The following CSMD2 variants were observed in gnomAD, a reference collection of about 807,000 sequenced individuals.
CSMD2 encodes CUB and Sushi multiple domains 2, also known as CUB and sushi domain-containing protein 2.
CSMD2 carries 130 observed loss-of-function variants against 398.5 expected under a neutral mutation model. The observed-to-expected ratio is 0.33, with a 90% confidence interval of 0.28 to 0.38. The LOEUF is 0.38. Among genes scored for constraint, CSMD2 ranks in the 10% least tolerant of loss-of-function variants. CSMD2 has a pLI of 1.00. For missense variants in CSMD2, 3,829 were observed against 4,764.9 expected, an observed-to-expected ratio of 0.80 and a Z score of 5.78; for synonymous variants, 1,828 against 1,908.5, an observed-to-expected ratio of 0.96 and a Z score of 1.10.
At position 33,809,707 on chromosome 1, in the gene CSMD2, A is replaced by C. The variant is rs529135989; in HGVS notation, c.1446+1036T>G. ...TCTGAGGCAAGAAAATAAAAAAGAA[A>C]AGGTATAAGAAATGGAAAGTAGAAA... On this transcript the variant is annotated intron_variant, in intron 10 of 70. Transcript: ENST00000373381. Among the ~76,000 whole-genome samples the C allele has an allele frequency of 2.0e-5, 3 of 149,846 alleles. No individual in the cohort carries two copies. In the South Asian group the frequency reaches 6.4e-4, roughly 32 times the overall value.
At chr1:33,753,681 T>C (rs904134072) in intron 13 of CSMD2, among the ~76,000 whole-genome samples, 2 of 152,268 alleles carry the variant, frequency 1.3e-5, no homozygotes, top group South Asian at 4.1e-4. Context: ...GGTGTTCAAG[T>C]CCAACTCATG....
chr1:33,742,227 G>C (rs1647091703), intron 14 of CSMD2, among the ~76,000 whole-genome samples: 1 of 152,216 alleles, frequency 6.6e-6, no homozygotes, highest in African/African-American at 2.4e-5. Context: ...TTACCTGGCT[G>C]GTCTCTTGGA....
chr1:34,082,638 GA>G (rs1657381997), intron 2 of CSMD2, among the ~76,000 whole-genome samples: 1 of 152,270 alleles, frequency 6.6e-6, no homozygotes, highest in South Asian at 2.1e-4. Context: ...AGAAAAGGGG[GA>G]AATGTGGGGA....
chr1:33,687,892 A>C (rs535391042), intron 25 of CSMD2, among the ~76,000 whole-genome samples: 2 of 152,216 alleles, frequency 1.3e-5, no homozygotes, highest in Non-Finnish European at 2.9e-5. Flanking sequence ...CAGAAAACAC[A>C]CAAAGAACCA....
Position 33,541,230 on chromosome 1 carries a change from T to C in CSMD2, c.9357A>G (p.Thr3119=), listed in dbSNP as rs747018302. The C allele has an allele frequency of 1.2e-6, 2 of 1,613,902 alleles. No individual in the cohort carries two copies. Among genetic ancestry groups the C allele is most frequent in the African/African-American group, 1.3e-5 (1 of 74,894 alleles). ...GNDFRYNKTV[T]YQCVPGYMME... ...TCATATAGCCAGGGACACACTGATA[T>C]GTCACAGTTTTGTTGTACCTGAAGT... Residue 3119 remains threonine (T), a synonymous_variant, in exon 59 of 71, where the codon ACA becomes ACG. Transcript: ENST00000373381.
At chr1:33,856,889 T>C (rs921934354) in intron 5 of CSMD2, among the ~76,000 whole-genome samples, 1 of 151,914 alleles carries the variant, frequency 6.6e-6, no homozygotes, top group Non-Finnish European at 1.5e-5. Context: ...CCCCAGTTTA[T>C]ATCTCATAGT....
At chr1:33,669,386 T>C (rs1644417376) in intron 25 of CSMD2, among the ~76,000 whole-genome samples, 1 of 152,098 alleles carries the variant, frequency 6.6e-6, no homozygotes, top group African/African-American at 2.4e-5. Flanking sequence ...TCCCATCCTT[T>C]CAATCCACCT....
intron 1 of CSMD2, among the ~76,000 whole-genome samples, chr1:34,125,481 G>A (rs1249912391): frequency 6.6e-6 from 1 of 151,596 alleles, no homozygotes; most frequent in Non-Finnish European, 1.5e-5. Flanking sequence ...CACAGATGGT[G>A]CAAGCACACT....
intron 13 of CSMD2, among the ~76,000 whole-genome samples, chr1:33,757,948 T>A (rs139685843): frequency 6.6e-6 from 1 of 152,170 alleles, no homozygotes; most frequent in Non-Finnish European, 1.5e-5. Flanking sequence ...TTTGAATCCA[T>A]CCTCCATATC....
At chr1:33,797,191 C>T (rs1243528628) in intron 10 of CSMD2, among the ~76,000 whole-genome samples, 1 of 152,200 alleles carries the variant, frequency 6.6e-6, no homozygotes, top group Non-Finnish European at 1.5e-5. Flanking sequence ...TTGTGACCTA[C>T]TCCCTGTTCT....
At chr1:33,723,451 C>T (rs1285367802) in intron 19 of CSMD2, among the ~76,000 whole-genome samples, 17 of 152,234 alleles carry the variant, frequency 1.1e-4, no homozygotes. Context: ...CTGGTTACTG[C>T]TGATGCCCAG....
chr1:33,531,519 T>G (rs1362741632), intron 64 of CSMD2, among the ~76,000 whole-genome samples: 1 of 152,226 alleles, frequency 6.6e-6, no homozygotes, highest in African/African-American at 2.4e-5. Context: ...TGTACATGTA[T>G]GTTCACAGAA....
At chr1:33,637,364 G>T (rs1642868156) in intron 29 of CSMD2, among the ~76,000 whole-genome samples, 1 of 152,136 alleles carries the variant, frequency 6.6e-6, no homozygotes, top group Middle Eastern at 3.2e-3. Flanking sequence ...ACCCTTACAT[G>T]TCTTCCCTAT....
chr1:33,975,890 C>G lies in CSMD2; in HGVS notation c.518-39936G>C, dbSNP rs371811276. On this transcript the variant is annotated intron_variant, in intron 3 of 70. Transcript: ENST00000373381. ...CCAGTGTATTCCTCGCTCCCTCCACCATTGCCTCTAAGCATGGCTAATGAG... is the reference window on the plus strand; with the variant it reads ...CCAGTGTATTCCTCGCTCCCTCCACGATTGCCTCTAAGCATGGCTAATGAG... Among the ~76,000 whole-genome samples, 12 of 152,358 alleles carry G rather than the reference C, an allele frequency of 7.9e-5. No individual in the cohort carries two copies. In the East Asian group the frequency reaches 1.2e-3, roughly 15 times the overall value.
In CSMD2 at chr1:34,082,648, G is replaced by A. The variant is rs540364183; in HGVS notation, c.404+6329C>T. ...CAAATAGAAAAGGGGGAAATGTGGG[G>A]AAAAGAGAGATCAGATTGTTAGTGT... is the stretch of plus-strand genomic sequence containing the variant. On this transcript the variant is annotated intron_variant, in intron 2 of 70. Coordinates refer to ENST00000373381, the MANE Select transcript of CSMD2 (RefSeq NM_001281956.2). 5.1e-4 allele frequency among the ~76,000 whole-genome samples: 78 copies of A among 152,374 alleles called. 2 individuals are homozygous for A. The highest frequency in any genetic ancestry group is 7.3e-5 in the Non-Finnish European group (5 of 68,032).
At chr1:34,109,295 T>G (rs778655852) in intron 1 of CSMD2, among the ~76,000 whole-genome samples, 7 of 152,242 alleles carry the variant, frequency 4.6e-5, no homozygotes, top group Non-Finnish European at 7.3e-5. Context: ...TTGAATTGTA[T>G]GAGCACTGAT....
intron 1 of CSMD2, among the ~76,000 whole-genome samples, chr1:34,102,674 G>A (rs77422284): frequency 1.0e-4 from 12 of 115,644 alleles, no homozygotes; most frequent in South Asian, 5.5e-4. Context: ...CTGTAATCCG[G>A]CCATATCCCT....
chr1:33,553,008 G>A (rs1657603797), intron 55 of CSMD2, among the ~76,000 whole-genome samples: 1 of 152,154 alleles, frequency 6.6e-6, no homozygotes, highest in African/African-American at 2.4e-5. Context: ...TTGTCAGATA[G>A]GGTTTAAAAA....
chr1:34,128,865 C>A (rs375893037), intron 1 of CSMD2, among the ~76,000 whole-genome samples: 8 of 152,278 alleles, frequency 5.3e-5, no homozygotes, highest in African/African-American at 1.7e-4. Flanking sequence ...ACCCTTGGGG[C>A]TGGAGAGCTG....
Sources: gnomAD v4.1 joint callset for allele counts (sites outside exome capture counted in the v4.1 genomes callset) on GRCh38, gnomAD v4.1.1 for gene constraint, MANE v1.5 for transcripts, NCBI Gene and HGNC (gene_info 2026-07-23, HGNC 2026-07-21) for gene names.